The following GATAD2B variants were observed in gnomAD, a reference collection of about 807,000 sequenced individuals.
GATAD2B encodes transcriptional repressor p66-beta.
In GATAD2B, 8 loss-of-function variants were observed where a neutral mutation model predicts 64.3. That is an observed-to-expected ratio of 0.12 (90% CI 0.07 to 0.22). GATAD2B has a LOEUF of 0.22. GATAD2B is among the 10% of genes least tolerant of loss of function. The probability of loss-of-function intolerance (pLI) is 1.00; values close to 1 mark genes in which losing one functional copy is unlikely to be tolerated. For missense variants in GATAD2B, 453 were observed against 752.0 expected, an observed-to-expected ratio of 0.60 and a Z score of 4.65; for synonymous variants, 281 against 271.3, an observed-to-expected ratio of 1.04 and a Z score of -0.35.
Position 153,868,772 on chromosome 1 carries a change from G to A in GATAD2B, c.-1-40424C>T, listed in dbSNP as rs190056485. 4.2e-3 allele frequency among the ~76,000 whole-genome samples: 593 copies of A among 142,338 alleles called. 5 individuals carry two copies. The highest frequency in any genetic ancestry group is 0.015 in the African/African-American group (557 of 37,922). The allele number at this position is 142,338 out of a possible 152,430, so 93.4% of individuals were successfully genotyped here. A position where few individuals can be genotyped will look rare whatever the true frequency, so the allele number is the denominator to read the frequency against. ...TTTTTTTTTGAGAGATTCTTGCTCC[G>A]TCACCCAGGGTGGAGTGCAGTGGCA... On this transcript the variant is annotated intron_variant, in intron 1 of 10. Coordinates refer to ENST00000368655, the MANE Select transcript of GATAD2B (RefSeq NM_020699.4).
chr1:153,820,863 G>A (rs757773580), intron 2 of GATAD2B, among the ~76,000 whole-genome samples: 10 of 151,498 alleles, frequency 6.6e-5, no homozygotes, highest in East Asian at 3.9e-4. Context: ...CGACCCTCCC[G>A]CCTTGGCCTC....
At chr1:153,830,988 C>T (rs1471537832) in intron 1 of GATAD2B, among the ~76,000 whole-genome samples, 2 of 152,108 alleles carry the variant, frequency 1.3e-5, no homozygotes, top group African/African-American at 4.8e-5. Context: ...CCAGGCTGGT[C>T]TGGAACTCCT....
At chr1:153,906,350 C>T (rs989819639) in intron 1 of GATAD2B, among the ~76,000 whole-genome samples, 1 of 152,060 alleles carries the variant, frequency 6.6e-6, no homozygotes, top group Non-Finnish European at 1.5e-5. Flanking sequence ...ATCTGGGAGG[C>T]AGAGGTTGCA....
intron 1 of GATAD2B, among the ~76,000 whole-genome samples, chr1:153,874,289 G>T (rs560127318): frequency 1.3e-5 from 2 of 151,686 alleles, no homozygotes; most frequent in African/African-American, 2.4e-5. Flanking sequence ...GAGAGGGAAA[G>T]AAATTTATTT....
At chr1:153,815,115 A>AAAAAAC (rs1674419550) in intron 7 of GATAD2B, among the ~76,000 whole-genome samples, 1 of 128,064 alleles carries the variant, frequency 7.8e-6, no homozygotes, top group Admixed American at 7.7e-5. Context: ...AAAAAAAACC[A>AAAAAAC]ACAAAGAAAA....
At chr1:153,858,224 C>T (rs887289445) in intron 1 of GATAD2B, among the ~76,000 whole-genome samples, 1 of 152,110 alleles carries the variant, frequency 6.6e-6, no homozygotes, top group Non-Finnish European at 1.5e-5. Context: ...TTCTTATAGT[C>T]CATATTTATA....
intron 1 of GATAD2B, among the ~76,000 whole-genome samples, chr1:153,845,085 G>A (rs753405506): frequency 9.9e-5 from 15 of 152,010 alleles, no homozygotes; most frequent in African/African-American, 2.7e-4. Flanking sequence ...AAAAAGTTAC[G>A]CAGAGAAATG....
At chr1:153,855,817 G>A (rs1676065981) in intron 1 of GATAD2B, among the ~76,000 whole-genome samples, 1 of 152,052 alleles carries the variant, frequency 6.6e-6, no homozygotes, top group African/African-American at 2.4e-5. Context: ...GGAGTAGCTG[G>A]GACTACAGGT....
At chr1:153,901,931 C>A (rs1029783283) in intron 1 of GATAD2B, among the ~76,000 whole-genome samples, 2 of 133,650 alleles carry the variant, frequency 1.5e-5, no homozygotes, top group African/African-American at 2.9e-5. Flanking sequence ...GGCCTTGGGG[C>A]AACAGGGATA....
chr1:153,922,574 G>A (rs1678488884), intron 1 of GATAD2B, among the ~76,000 whole-genome samples, 159 bp downstream of exon 1: 1 of 150,494 alleles, frequency 6.6e-6, no homozygotes, highest in Non-Finnish European at 1.5e-5. Context: ...GCGCGCGGGC[G>A]GGCGTCGGCT....
intron 1 of GATAD2B, among the ~76,000 whole-genome samples, chr1:153,858,436 C>T (rs930231730): frequency 6.6e-6 from 1 of 152,078 alleles, no homozygotes; most frequent in Non-Finnish European, 1.5e-5. Context: ...AAAGCCCCAT[C>T]TCTACAAAAA....
At chr1:153,889,754 T>C in intron 1 of GATAD2B, 1 of 306,318 alleles carries the variant, frequency 3.3e-6, no homozygotes, top group Non-Finnish European at 4.8e-6. Context: ...TGTTAGTAAT[T>C]TTTGAAGCTT....
intron 1 of GATAD2B, among the ~76,000 whole-genome samples, chr1:153,883,839 A>G (rs1191767476): frequency 2.0e-5 from 3 of 152,108 alleles, no homozygotes; most frequent in African/African-American, 7.2e-5. Context: ...TACGTTTACT[A>G]TATCTCCCTC....
Position 153,818,163 on chromosome 1 carries a change from A to C in GATAD2B, c.606T>G (p.Val202=), listed in dbSNP as rs1301638922. The C allele has an allele frequency of 6.2e-7, 1 of 1,601,614 alleles. No homozygotes were observed. Among genetic ancestry groups the C allele is most frequent in the Non-Finnish European group, 8.5e-7 (1 of 1,175,006 alleles). Residue 202 remains valine (V), a synonymous_variant, in exon 5 of 11, where the codon GTT becomes GTG. Transcript: ENST00000368655. ...GAACAATAGATGCTGCATTCTGTAC[A>C]ACTGGAGTCTGGGAGAGGGAAGAGA... ...QKENVVQKTP[V]VQNAASIVQP...
At chr1:153,817,056 C>A (rs1674502602) in intron 6 of GATAD2B, among the ~76,000 whole-genome samples, 1 of 152,016 alleles carries the variant, frequency 6.6e-6, no homozygotes, top group South Asian at 2.1e-4. Flanking sequence ...AACAAACAAA[C>A]AAAAAAGAGA....
chr1:153,879,062 C>A (rs1676927555), intron 1 of GATAD2B, among the ~76,000 whole-genome samples: 1 of 152,128 alleles, frequency 6.6e-6, no homozygotes, highest in South Asian at 2.1e-4. Context: ...GCCTCAGCCT[C>A]CCGAGTAGCT....
intron 1 of GATAD2B, among the ~76,000 whole-genome samples, chr1:153,916,247 C>T (rs551367392): frequency 2.7e-5 from 4 of 148,630 alleles, no homozygotes; most frequent in South Asian, 2.1e-4. Context: ...CACCACTGCA[C>T]TCCAGTGACA....
chr1:153,815,892 A>T (rs1043622839), intron 7 of GATAD2B, among the ~76,000 whole-genome samples: 2 of 152,160 alleles, frequency 1.3e-5, no homozygotes, highest in African/African-American at 4.8e-5. Flanking sequence ...GTCTCTACTA[A>T]AAATACAAAA....
At chr1:153,915,313 C>T (rs1230536861) in intron 1 of GATAD2B, among the ~76,000 whole-genome samples, 1 of 152,156 alleles carries the variant, frequency 6.6e-6, no homozygotes, top group Non-Finnish European at 1.5e-5. Flanking sequence ...GTCCCAGCTA[C>T]TCAGGAGGCT....
Sources: allele counts gnomAD v4.1 joint callset (sites outside exome capture counted in the v4.1 genomes callset), GRCh38; gene constraint gnomAD v4.1.1; transcripts MANE v1.5; gene names NCBI Gene and HGNC (gene_info 2026-07-23, HGNC 2026-07-21).